INPP5D: variants seen among roughly 807,000 people sequenced by gnomAD.
The protein encoded by INPP5D is phosphatidylinositol 3,4,5-trisphosphate 5-phosphatase 1.
A neutral mutation model predicts 122.9 loss-of-function variants in INPP5D; 33 were observed. The ratio of observed to expected loss-of-function variants is 0.27; its 90% CI spans 0.20 to 0.36. The LOEUF (loss-of-function observed/expected upper bound fraction) is 0.36, where lower values mean the gene tolerates loss of function less well. Among genes scored for constraint, INPP5D ranks in the 10% least tolerant of loss-of-function variants. The pLI is 1.00. For synonymous variants in INPP5D, 584 were observed against 576.2 expected (o/e 1.01, Z -0.19); for missense variants, 1,053 against 1,412.7 (o/e 0.75, Z 4.08).
chr2:233,137,856 ATATATATAT>A (rs1559313288), intron 5 of INPP5D, among the ~76,000 whole-genome samples: 291 of 14,298 alleles, frequency 0.02, 8 homozygotes, highest in African/African-American at 0.036. Context: ...AAAAAAAAAT[ATATATATAT>A]ATATATATAT....
intron 22 of INPP5D, among the ~76,000 whole-genome samples, chr2:233,191,219 G>C (rs1396502642): frequency 3.3e-5 from 5 of 152,202 alleles, no homozygotes; most frequent in African/African-American, 1.2e-4. Context: ...GCAGGAAGGA[G>C]AAGTGGGTGC....
chr2:233,122,065 A>T (rs750280570), intron 2 of INPP5D, 42 bp from the exon 3 acceptor site: 1 of 1,606,200 alleles, frequency 6.2e-7, no homozygotes, highest in South Asian at 1.1e-5. Context: ...CTGACATTCT[A>T]GTTGGTTAAC....
chr2:233,127,619 T>A (rs1046881553), intron 4 of INPP5D, among the ~76,000 whole-genome samples: 2 of 152,230 alleles, frequency 1.3e-5, no homozygotes, highest in Admixed American at 1.3e-4. Context: ...AACAAACTTT[T>A]ATTTTTGAGA....
chr2:233,086,288 C>T (rs1294572927), intron 2 of INPP5D, among the ~76,000 whole-genome samples: 1 of 151,980 alleles, frequency 6.6e-6, no homozygotes, highest in Non-Finnish European at 1.5e-5. Flanking sequence ...AAGTGATTCT[C>T]CTGCCTCAGC....
intron 23 of INPP5D, among the ~76,000 whole-genome samples, chr2:233,195,039 A>G (rs1289430369): frequency 6.6e-6 from 1 of 152,142 alleles, no homozygotes; most frequent in African/African-American, 2.4e-5. Context: ...CAAGTGACAC[A>G]CCTGCCTCGG....
intron 9 of INPP5D, among the ~76,000 whole-genome samples, chr2:233,157,407 T>G (rs1210459931): frequency 6.7e-6 from 1 of 150,100 alleles, no homozygotes; most frequent in African/African-American, 2.5e-5. Context: ...AAGAGAGTTA[T>G]AAACTGGGGA....
chr2:233,080,749 G>C (rs1691663441), intron 2 of INPP5D, among the ~76,000 whole-genome samples: 1 of 152,198 alleles, frequency 6.6e-6, no homozygotes, highest in Non-Finnish European at 1.5e-5. Flanking sequence ...GGAGACCACA[G>C]GCAAGTCCCT....
intron 18 of INPP5D, among the ~76,000 whole-genome samples, chr2:233,181,734 G>A (rs752879523): frequency 4.5e-4 from 69 of 152,184 alleles, no homozygotes; most frequent in Admixed American, 1.0e-3. Flanking sequence ...AAGGTGTCCC[G>A]TCTCTCCCAC....
In INPP5D at chr2:233,185,524, T is replaced by G. The variant is rs140664332; in HGVS notation, c.2276-319T>G. ...GTGGCGTGGGACGAGCTGTCAAGTT[T>G]CCTAATCTTTTTGCCTGTGATGTGA... On this transcript the variant is annotated intron_variant, in intron 20 of 26. Transcript: ENST00000445964. Among the ~76,000 whole-genome samples the G allele has an allele frequency of 6.7e-3, 1,014 of 152,006 alleles. 14 individuals carry two copies. The highest frequency in any genetic ancestry group is 0.023 in the African/African-American group (962 of 41,434).
intron 22 of INPP5D, among the ~76,000 whole-genome samples, chr2:233,190,934 A>G (rs976246391): frequency 7.9e-5 from 12 of 152,242 alleles, no homozygotes; most frequent in African/African-American, 2.9e-4. Context: ...AGTGATCAAG[A>G]CGACAGATGA....
chr2:233,075,375 G>A (rs1174802789), intron 1 of INPP5D, among the ~76,000 whole-genome samples: 2 of 152,210 alleles, frequency 1.3e-5, no homozygotes, highest in Non-Finnish European at 2.9e-5. Flanking sequence ...AAGAGCTGGG[G>A]AAGGGCTGGG....
chr2:233,088,395 C>T (rs372537907), intron 2 of INPP5D, among the ~76,000 whole-genome samples: 2 of 152,210 alleles, frequency 1.3e-5, no homozygotes, highest in African/African-American at 4.8e-5. Context: ...AAAGGCCTTG[C>T]CTTTTGACGT....
intron 14 of INPP5D, chr2:233,169,687 G>T (rs10803668): frequency 0.24 from 138,412 of 571,272 alleles, 17,982 homozygotes; most frequent in East Asian, 0.39. Flanking sequence ...CTCCTCTGGG[G>T]CCTCCTTACA....
intron 9 of INPP5D, among the ~76,000 whole-genome samples, chr2:233,151,548 C>T (rs545270620): frequency 6.6e-6 from 1 of 152,178 alleles, no homozygotes; most frequent in Non-Finnish European, 1.5e-5. Flanking sequence ...CAAGGTCTTT[C>T]CTTTACACAC....
chr2:233,077,940 G>C (rs570698243), intron 1 of INPP5D, among the ~76,000 whole-genome samples: 32 of 152,270 alleles, frequency 2.1e-4, no homozygotes, highest in South Asian at 6.2e-4. Context: ...TGTACCTGAG[G>C]GGGTGAGTGT....
At chr2:233,151,630 G>A (rs1230832446) in intron 9 of INPP5D, among the ~76,000 whole-genome samples, 1 of 152,218 alleles carries the variant, frequency 6.6e-6, no homozygotes, top group Non-Finnish European at 1.5e-5. Context: ...CCAATTGCCT[G>A]AGGCACTTGC....
In INPP5D at chr2:233,065,639, CTTTCTTTCTTTCT is replaced by C. The variant is rs1204801439; in HGVS notation, c.134+5031_134+5043del. Among the ~76,000 whole-genome samples, 42 of 8,906 alleles carry C rather than the reference CTTTCTTTCTTTCT, an allele frequency of 4.7e-3. 16 individuals carry two copies. Among genetic ancestry groups the C allele is most frequent in the African/African-American group, 0.024 (38 of 1,586 alleles). The allele number at this position is 8,906 out of a possible 152,430, so 5.8% of individuals were successfully genotyped here. A position where few individuals can be genotyped will look rare whatever the true frequency, so the allele number is the denominator to read the frequency against. On this transcript the variant is annotated intron_variant, in intron 1 of 26. Transcript: ENST00000445964. ...TCTTTCTTTCTTTCTTTCTTTCTTT[CTTTCTTTCTTTCT>C]TTTTTTTTTTTTGAGACAGAGTCTC...
At chr2:233,144,979 G>C (rs1376389578) in intron 6 of INPP5D, among the ~76,000 whole-genome samples, 1 of 152,076 alleles carries the variant, frequency 6.6e-6, no homozygotes, top group African/African-American at 2.4e-5. Context: ...ATTGAGCAAG[G>C]GGTGAGGTAA....
intron 6 of INPP5D, among the ~76,000 whole-genome samples, chr2:233,143,081 C>T (rs1438868666): frequency 2.6e-5 from 4 of 152,212 alleles, no homozygotes; most frequent in Non-Finnish European, 5.9e-5. Flanking sequence ...AAACTCACCA[C>T]TCTGACTCTA....
Sources: allele counts gnomAD v4.1 joint callset (sites outside exome capture counted in the v4.1 genomes callset), GRCh38; gene constraint gnomAD v4.1.1; transcripts MANE v1.5; gene names NCBI Gene and HGNC (gene_info 2026-07-23, HGNC 2026-07-21).